The following RNF6 variants were observed in gnomAD, a reference collection of about 807,000 sequenced individuals.
The protein encoded by RNF6 is E3 ubiquitin-protein ligase RNF6.
A neutral mutation model predicts 50.1 loss-of-function variants in RNF6; 21 were observed. The observed-to-expected ratio is 0.42, with a 90% CI of 0.30 to 0.60. The LOEUF is 0.60. Ranked by LOEUF, RNF6 falls within the 20% of genes least tolerant of loss-of-function variation. The pLI is 0.20. For missense variants in RNF6, 698 were observed against 838.2 expected, an observed-to-expected ratio of 0.83 and a Z score of 2.07; for synonymous variants, 255 against 291.8, an observed-to-expected ratio of 0.87 and a Z score of 1.29.
intron 5 of RNF6, among the ~76,000 whole-genome samples, chr13:26,172,832 C>T (rs1039505492): frequency 1.1e-4 from 16 of 151,978 alleles, no homozygotes; most frequent in African/African-American, 2.2e-4. Flanking sequence ...CGTGAGCCAC[C>T]GCACCCGGCC....
At chr13:26,171,361 T>C (rs1872689491) in intron 5 of RNF6, among the ~76,000 whole-genome samples, 1 of 151,980 alleles carries the variant, frequency 6.6e-6, no homozygotes, top group African/African-American at 2.4e-5. Context: ...TCACACCTAT[T>C]AAGGTGGCTA....
At chr13:26,202,065 C>G (rs1868918202) in intron 5 of RNF6, among the ~76,000 whole-genome samples, 1 of 152,206 alleles carries the variant, frequency 6.6e-6, no homozygotes, top group Non-Finnish European at 1.5e-5. Context: ...CCTATCCTAC[C>G]ATACTTGGCA....
At chr13:26,153,538 A>G (rs1206846289) in intron 5 of RNF6, among the ~76,000 whole-genome samples, 2 of 152,198 alleles carry the variant, frequency 1.3e-5, no homozygotes, top group African/African-American at 2.4e-5. Flanking sequence ...TGGGTAGGAT[A>G]TAGATAGATT....
chr13:26,220,635 G>T (rs1378147176), intron 2 of RNF6, among the ~76,000 whole-genome samples: 1 of 152,152 alleles, frequency 6.6e-6, no homozygotes, highest in Non-Finnish European at 1.5e-5. Context: ...CTTGATTAGA[G>T]TTTTCCAGGG....
chr13:26,167,133 C>T (rs1362294945), intron 5 of RNF6, among the ~76,000 whole-genome samples: 1 of 152,196 alleles, frequency 6.6e-6, no homozygotes, highest in Non-Finnish European at 1.5e-5. Flanking sequence ...CCATTCTGGA[C>T]ATAGGAACTG....
chr13:26,179,062 C>G (rs563924895), intron 5 of RNF6, among the ~76,000 whole-genome samples: 1 of 152,254 alleles, frequency 6.6e-6, no homozygotes, highest in South Asian at 2.1e-4. Context: ...ACACTGTGCA[C>G]CAGTTATCAA....
intron 5 of RNF6, among the ~76,000 whole-genome samples, chr13:26,150,010 T>C (rs973621269): frequency 8.2e-6 from 1 of 121,562 alleles, no homozygotes; most frequent in Non-Finnish European, 1.7e-5. Context: ...AGTGTATATA[T>C]AATGTGTATA....
chr13:26,217,774 T>A (rs1227913209), intron 4 of RNF6, among the ~76,000 whole-genome samples: 2 of 152,234 alleles, frequency 1.3e-5, no homozygotes, highest in African/African-American at 4.8e-5. Flanking sequence ...ATTTAAATAG[T>A]CACATGTGGC....
chr13:26,180,363 G>A (rs998215591), intron 5 of RNF6, among the ~76,000 whole-genome samples: 1 of 152,122 alleles, frequency 6.6e-6, no homozygotes, highest in South Asian at 2.1e-4. Context: ...GGCCTTTCCA[G>A]TTTAGAGGGT....
At chr13:26,134,200 G>A (rs1870533388) in intron 5 of RNF6, among the ~76,000 whole-genome samples, 1 of 152,132 alleles carries the variant, frequency 6.6e-6, no homozygotes, top group Non-Finnish European at 1.5e-5. Context: ...CATCCACATC[G>A]TCTCCACTGA....
At chr13:26,188,520 G>A (rs559862899) in intron 5 of RNF6, among the ~76,000 whole-genome samples, 13 of 150,012 alleles carry the variant, frequency 8.7e-5, no homozygotes, top group Admixed American at 8.6e-4. Context: ...GCATAAGCCA[G>A]AAGCAGGTGA....
chr13:26,207,618 C>T (rs1035399694), intron 5 of RNF6, among the ~76,000 whole-genome samples: 1 of 152,142 alleles, frequency 6.6e-6, no homozygotes, highest in African/African-American at 2.4e-5. Context: ...AAACACACAC[C>T]ACCTCAAAGC....
downstream of RNF6, among the ~76,000 whole-genome samples, chr13:26,212,428 T>C (rs1392999731): frequency 2.6e-5 from 4 of 152,146 alleles, no homozygotes; most frequent in Admixed American, 1.3e-4. Flanking sequence ...ACCTAATGAA[T>C]TGAACATAGT....
Position 26,177,280 on chromosome 13 carries a change from T to C in RNF6, n.768+38194A>G, listed in dbSNP as rs111762057. ...TGTCTATACCAGCGACTCTACTTCATTGACTCCCATTCACTCCTCAACTCA... is the reference window on the plus strand; with the variant it reads ...TGTCTATACCAGCGACTCTACTTCACTGACTCCCATTCACTCCTCAACTCA... On this transcript the variant is annotated intron_variant and non_coding_transcript_variant, in intron 5 of 5. Coordinates refer to the RNF6 transcript ENST00000468480. Among the ~76,000 whole-genome samples the C allele has an allele frequency of 8.3e-3, 1,265 of 152,292 alleles. 14 individuals carry two copies. Among genetic ancestry groups the C allele is most frequent in the African/African-American group, 0.029 (1,211 of 41,554 alleles).
Position 26,184,012 on chromosome 13 carries a change from ATATATATTTTTTTTTT to A in RNF6, n.768+31446_768+31461del, listed in dbSNP as rs1480467714. ...ATAAAATATATATATATATATATAT[ATATATATTTTTTTTTT>A]TTTTTTTTTTTTTTTTGAGACAGAG... On this transcript the variant is annotated intron_variant and non_coding_transcript_variant, in intron 5 of 5. Coordinates refer to the RNF6 transcript ENST00000468480. Among the ~76,000 whole-genome samples the A allele has an allele frequency of 4.4e-3, 133 of 30,552 alleles. 1 individual carries two copies. The highest frequency in any genetic ancestry group is 0.035 in the South Asian group (40 of 1,134). The allele number at this position is 30,552 out of a possible 152,430, so 20.0% of individuals were successfully genotyped here. A position where few individuals can be genotyped will look rare whatever the true frequency, so the allele number is the denominator to read the frequency against.
At chr13:26,220,735 G>C (rs957383777) in intron 2 of RNF6, among the ~76,000 whole-genome samples, 11 of 152,182 alleles carry the variant, frequency 7.2e-5, no homozygotes, top group Non-Finnish European at 1.5e-4. Flanking sequence ...TCACTAAAGG[G>C]TATGAGTAAT....
At chr13:26,203,407 T>C (rs752720040) in intron 5 of RNF6, among the ~76,000 whole-genome samples, 3 of 152,206 alleles carry the variant, frequency 2.0e-5, no homozygotes, top group Non-Finnish European at 4.4e-5. Flanking sequence ...CAGAACCAAA[T>C]TGTGATTGTT....
At chr13:26,173,936 C>T (rs1203375226) in intron 5 of RNF6, among the ~76,000 whole-genome samples, 7 of 119,290 alleles carry the variant, frequency 5.9e-5, no homozygotes, top group South Asian at 2.7e-4. Context: ...GGCAACAGAG[C>T]GAGACTCCGT....
chr13:26,207,725 C>T (rs2137723436), intron 5 of RNF6, among the ~76,000 whole-genome samples: 1 of 152,340 alleles, frequency 6.6e-6, no homozygotes, highest in African/African-American at 2.4e-5. Context: ...GAGTTCTCAA[C>T]CTATAAGGCT....
Sources: gnomAD v4.1 joint callset for allele counts (sites outside exome capture counted in the v4.1 genomes callset) on GRCh38, gnomAD v4.1.1 for gene constraint, MANE v1.5 for transcripts, NCBI Gene and HGNC (gene_info 2026-07-23, HGNC 2026-07-21) for gene names.